Variants in CLEC16A observed in about 807,000 individuals in gnomAD.
CLEC16A encodes C-type lectin domain containing 16A.
In CLEC16A, 51 loss-of-function variants were observed where a neutral mutation model predicts 109.5. That is an observed-to-expected ratio of 0.47 (90% CI 0.37 to 0.59). The LOEUF (loss-of-function observed/expected upper bound fraction) is 0.59, where lower values mean the gene tolerates loss of function less well. Ranked by LOEUF, CLEC16A falls within the 20% of genes least tolerant of loss-of-function variation. The probability of loss-of-function intolerance (pLI) is 0.00; values close to 1 mark genes in which losing one functional copy is unlikely to be tolerated. For missense variants in CLEC16A, 1,339 were observed against 1,394.0 expected, an observed-to-expected ratio of 0.96 and a Z score of 0.63; for synonymous variants, 673 against 564.2, an observed-to-expected ratio of 1.19 and a Z score of -2.73.
chr16:10,996,325 C>T (rs1277176259), intron 10 of CLEC16A, among the ~76,000 whole-genome samples: 4 of 152,182 alleles, frequency 2.6e-5, no homozygotes, highest in Admixed American at 2.0e-4. Context: ...CAAAGTCCAG[C>T]GGCTGTGCAT....
intron 8 of CLEC16A, among the ~76,000 whole-genome samples, chr16:10,978,878 G>C (rs1567533087): frequency 2.6e-5 from 4 of 152,254 alleles, no homozygotes; most frequent in South Asian, 2.1e-4. Flanking sequence ...TAACAGGGTG[G>C]GTGTGAAATG....
At chr16:11,018,437 G>T (rs1423621886) in intron 11 of CLEC16A, among the ~76,000 whole-genome samples, 1 of 151,926 alleles carries the variant, frequency 6.6e-6, no homozygotes, top group Non-Finnish European at 1.5e-5. Context: ...GGAAATTACT[G>T]TGTAAAGATC....
chr16:10,986,524 T>G (rs1230743037), intron 10 of CLEC16A, among the ~76,000 whole-genome samples: 1 of 152,182 alleles, frequency 6.6e-6, no homozygotes, highest in Non-Finnish European at 1.5e-5. Flanking sequence ...TGACTGATAC[T>G]TCATACCCAC....
At chr16:10,947,452 C>T (rs1228203434) in intron 1 of CLEC16A, among the ~76,000 whole-genome samples, 1 of 152,180 alleles carries the variant, frequency 6.6e-6, no homozygotes, top group Non-Finnish European at 1.5e-5. Flanking sequence ...TTATTGGGAG[C>T]TTTCTGGAGG....
chr16:11,141,660 G>A (rs2053836625), intron 22 of CLEC16A, among the ~76,000 whole-genome samples: 1 of 152,258 alleles, frequency 6.6e-6, no homozygotes, highest in African/African-American at 2.4e-5. Context: ...GGAGACAGCA[G>A]TGCGGGGCCA....
At chr16:11,087,035 T>G (rs2050049359) in intron 19 of CLEC16A, among the ~76,000 whole-genome samples, 2 of 152,204 alleles carry the variant, frequency 1.3e-5, no homozygotes, top group Admixed American at 1.3e-4. Context: ...AATTTATCCC[T>G]GTCAGGGCAA....
At chr16:11,039,083 G>A (rs1567229069) in intron 13 of CLEC16A, among the ~76,000 whole-genome samples, 1 of 152,122 alleles carries the variant, frequency 6.6e-6, no homozygotes, top group Non-Finnish European at 1.5e-5. Context: ...CGTAATACGG[G>A]AGTGGCCTCA....
In CLEC16A at chr16:11,138,176, G is replaced by A. The variant is rs142792924; in HGVS notation, c.2641+12030G>A. On this transcript the variant is annotated intron_variant, in intron 22 of 23. Transcript: ENST00000409790. ...GAAAAGGAAGGTTGGCTGAGCAAGC[G>A]TTTACTAAGGCCCTTGATGAATCAA... Among the ~76,000 whole-genome samples, 564 of 152,334 alleles carry A rather than the reference G, an allele frequency of 3.7e-3. 5 individuals are homozygous for A. Among genetic ancestry groups the A allele is most frequent in the Non-Finnish European group, 6.0e-3 (406 of 68,030 alleles).
At chr16:11,001,638 T>C (rs932023420) in intron 10 of CLEC16A, among the ~76,000 whole-genome samples, 154 of 152,280 alleles carry the variant, frequency 1.0e-3, no homozygotes, top group African/African-American at 3.6e-3. Context: ...TATACTAATA[T>C]GAAGCATGAA....
chr16:11,087,983 T>C (rs1307258734), intron 19 of CLEC16A, among the ~76,000 whole-genome samples: 1 of 152,268 alleles, frequency 6.6e-6, no homozygotes, highest in Non-Finnish European at 1.5e-5. Context: ...TGAGAGCCTT[T>C]GAAGCCTCTG....
chr16:11,084,709 A>G (rs75030678), intron 19 of CLEC16A, among the ~76,000 whole-genome samples: 242 of 152,278 alleles, frequency 1.6e-3, no homozygotes, highest in Non-Finnish European at 2.4e-3. Context: ...GAGGGAGGCA[A>G]TTTTAAACTG....
chr16:11,009,717 A>G (rs1361170003), intron 11 of CLEC16A, among the ~76,000 whole-genome samples: 2 of 152,228 alleles, frequency 1.3e-5, no homozygotes, highest in African/African-American at 4.8e-5. Flanking sequence ...AGTGCAAAGA[A>G]AAGAGCCCAC....
intron 19 of CLEC16A, among the ~76,000 whole-genome samples, chr16:11,108,320 T>A (rs2051348385): frequency 1.3e-5 from 2 of 152,238 alleles, no homozygotes; most frequent in Non-Finnish European, 2.9e-5. Context: ...GAACTAGGTC[T>A]CCTGCTCGAA....
chr16:11,039,877 G>T lies in CLEC16A; in HGVS notation c.1660+1G>T. The stretch of plus-strand genomic sequence containing the variant: ...ATCATGAACAACGCTGCCCAGCCAG[G>T]TGCCCACTTGGGGTGTTGTCTGTCC... On this transcript the variant is annotated splice_donor_variant, in intron 14 of 23. Coordinates refer to ENST00000409790, the MANE Select transcript of CLEC16A (RefSeq NM_015226.3). LOFTEE classifies it high-confidence loss of function. 1 of 1,612,080 alleles carries T rather than the reference G, an allele frequency of 6.2e-7. No homozygotes were observed. The highest frequency in any genetic ancestry group is 8.5e-7 in the Non-Finnish European group (1 of 1,179,124).
intron 13 of CLEC16A, among the ~76,000 whole-genome samples, chr16:11,032,045 C>T (rs1404184610): frequency 6.6e-6 from 1 of 152,216 alleles, no homozygotes; most frequent in African/African-American, 2.4e-5. Context: ...AAAAGTCCTA[C>T]GAGGAGGCTG....
chr16:11,177,444 A>T (rs2068794822), intron 23 of CLEC16A, among the ~76,000 whole-genome samples: 1 of 152,120 alleles, frequency 6.6e-6, no homozygotes, highest in Non-Finnish European at 1.5e-5. Flanking sequence ...CTACAAAAAT[A>T]CAAAAATTAG....
At chr16:10,950,326 C>T (rs1425753067) in intron 1 of CLEC16A, among the ~76,000 whole-genome samples, 1 of 152,182 alleles carries the variant, frequency 6.6e-6, no homozygotes. Context: ...AGTAAGCAAT[C>T]AACAAATATT....
chr16:11,156,163 A>C (rs2054508232), intron 22 of CLEC16A, among the ~76,000 whole-genome samples: 1 of 152,124 alleles, frequency 6.6e-6, no homozygotes, highest in South Asian at 2.1e-4. Context: ...GGAGTTTGAG[A>C]CCAGCCTGGC....
At chr16:11,005,505 T>G (rs1383164528) in intron 11 of CLEC16A, among the ~76,000 whole-genome samples, 5 of 152,216 alleles carry the variant, frequency 3.3e-5, no homozygotes, top group Admixed American at 2.0e-4. Context: ...GATGCCCTCC[T>G]AATTTCTTGA....
Sources: allele counts gnomAD v4.1 joint callset (sites outside exome capture counted in the v4.1 genomes callset), GRCh38; gene constraint gnomAD v4.1.1; transcripts MANE v1.5; gene names NCBI Gene and HGNC (gene_info 2026-07-23, HGNC 2026-07-21).